Variants in RBFOX1 observed in about 807,000 individuals in gnomAD.
RBFOX1 encodes the protein RNA binding protein fox-1 homolog 1.
Under a neutral mutation model 57.7 loss-of-function variants are expected in RBFOX1, and 8 were observed. That is an observed-to-expected ratio of 0.14 (90% CI 0.08 to 0.25). The LOEUF (loss-of-function observed/expected upper bound fraction) is 0.25, where lower values mean the gene tolerates loss of function less well. Among genes scored for constraint, RBFOX1 ranks in the 10% least tolerant of loss-of-function variants. The pLI, the probability that RBFOX1 is intolerant of heterozygous loss-of-function variation, is 1.00. For synonymous variants in RBFOX1, 326 were observed against 222.4 expected, an observed-to-expected ratio of 1.47 and a Z score of -4.15; for missense variants, 611 against 548.5, an observed-to-expected ratio of 1.11 and a Z score of -1.14.
At chr16:6,792,532 A>T (rs2083169731) in intron 3 of RBFOX1, among the ~76,000 whole-genome samples, 1 of 152,134 alleles carries the variant, frequency 6.6e-6, no homozygotes, top group Non-Finnish European at 1.5e-5. Context: ...TTTCATATAA[A>T]GGTTAAAAAT....
chr16:6,964,007 T>C (rs1440957822), intron 3 of RBFOX1, among the ~76,000 whole-genome samples: 1 of 149,418 alleles, frequency 6.7e-6, no homozygotes, highest in Non-Finnish European at 1.5e-5. Context: ...CCCGGATTTA[T>C]TTATTTACCT....
chr16:6,792,578 A>G (rs1429585433), intron 3 of RBFOX1, among the ~76,000 whole-genome samples: 1 of 152,222 alleles, frequency 6.6e-6, no homozygotes, highest in Non-Finnish European at 1.5e-5. Context: ...GCCATGTAGT[A>G]CTGTGCCTCC....
At chr16:7,370,578 G>A (rs1226661145) in intron 4 of RBFOX1, among the ~76,000 whole-genome samples, 8 of 152,168 alleles carry the variant, frequency 5.3e-5, no homozygotes, top group Non-Finnish European at 1.0e-4. Context: ...ATTTTCAGAT[G>A]TGCTGCCTTG....
chr16:6,803,350 C>A (rs946872267), intron 3 of RBFOX1, among the ~76,000 whole-genome samples: 2 of 152,146 alleles, frequency 1.3e-5, no homozygotes, highest in Admixed American at 1.3e-4. Context: ...AGAAGTGTTG[C>A]CTCCAGCCGT....
intron 3 of RBFOX1, among the ~76,000 whole-genome samples, chr16:6,860,860 T>G (rs1033383985): frequency 6.6e-6 from 1 of 152,230 alleles, no homozygotes; most frequent in African/African-American, 2.4e-5. Flanking sequence ...TTCAAAAATA[T>G]ATAAATGTAT....
chr16:6,727,818 A>G (rs1025531379), intron 3 of RBFOX1, among the ~76,000 whole-genome samples: 3 of 152,156 alleles, frequency 2.0e-5, no homozygotes, highest in Non-Finnish European at 2.9e-5. Flanking sequence ...TTTCCAGGAC[A>G]TTTGACTTTG....
intron 6 of RBFOX1, among the ~76,000 whole-genome samples, chr16:7,585,170 G>A (rs1485386175): frequency 1.3e-5 from 2 of 152,124 alleles, no homozygotes; most frequent in African/African-American, 4.8e-5. Context: ...AATATTCAAG[G>A]GTGGTTGGTA....
intron 4 of RBFOX1, among the ~76,000 whole-genome samples, chr16:7,084,248 A>ATG (rs915179596): frequency 4.6e-5 from 7 of 152,118 alleles, no homozygotes; most frequent in East Asian, 1.9e-4. Flanking sequence ...ATATGTATAT[A>ATG]TGTGTGTGTG....
At chr16:5,432,135 C>G (rs1196531177) in intron 1 of RBFOX1, among the ~76,000 whole-genome samples, 1 of 152,144 alleles carries the variant, frequency 6.6e-6, no homozygotes, top group Non-Finnish European at 1.5e-5. Context: ...CATGGGTGGT[C>G]TCTGTGGAGG....
chr16:5,943,245 C>G (rs560399168), intron 4 of RBFOX1, among the ~76,000 whole-genome samples: 4 of 152,286 alleles, frequency 2.6e-5, no homozygotes, highest in Admixed American at 2.6e-4. Context: ...GTGCAGTTTT[C>G]CCAGCCCATC....
At chr16:7,422,345 T>C (rs1002420691) in intron 4 of RBFOX1, among the ~76,000 whole-genome samples, 5 of 152,160 alleles carry the variant, frequency 3.3e-5, no homozygotes, top group African/African-American at 1.2e-4. Context: ...AATATATTCA[T>C]TGTTAGAGTA....
chr16:5,239,989 C>G, exon 1 of RBFOX1: 1 of 1,530,312 alleles, frequency 6.5e-7, no homozygotes. Context: ...AGAGAAGAGG[C>G]TGCGGCTGGG....
At chr16:5,755,947 A>G (rs1054611594) in intron 3 of RBFOX1, among the ~76,000 whole-genome samples, 8 of 152,120 alleles carry the variant, frequency 5.3e-5, no homozygotes, top group African/African-American at 1.7e-4. Context: ...GAAGTAGGAG[A>G]TGAAGTAAAG....
intron 3 of RBFOX1, among the ~76,000 whole-genome samples, chr16:5,728,020 G>T (rs565448967): frequency 6.6e-6 from 1 of 152,262 alleles, no homozygotes; most frequent in African/African-American, 2.4e-5. Flanking sequence ...CACTTCTTTA[G>T]ATTCTAAATA....
At chr16:5,346,436 C>A (rs940167330) in intron 1 of RBFOX1, among the ~76,000 whole-genome samples, 3 of 152,172 alleles carry the variant, frequency 2.0e-5, no homozygotes, top group Non-Finnish European at 2.9e-5. Flanking sequence ...GATGTTTGAA[C>A]CACGTCTCAA....
intron 1 of RBFOX1, among the ~76,000 whole-genome samples, chr16:6,168,803 T>C (rs2096936783): frequency 6.6e-6 from 1 of 151,898 alleles, no homozygotes; most frequent in Non-Finnish European, 1.5e-5. Flanking sequence ...TTTCACTGGT[T>C]CTTTCACTTT....
chr16:6,417,093 C>T (rs2093643585), intron 2 of RBFOX1, among the ~76,000 whole-genome samples: 2 of 152,118 alleles, frequency 1.3e-5, no homozygotes, highest in South Asian at 4.1e-4. Flanking sequence ...CTCACTGCAT[C>T]CTCTGCCTCC....
intron 2 of RBFOX1, among the ~76,000 whole-genome samples, chr16:5,567,288 G>T (rs2046106992): frequency 1.3e-5 from 2 of 152,190 alleles, no homozygotes; most frequent in African/African-American, 4.8e-5. Flanking sequence ...GCGTCACTTT[G>T]CAGTGGCTGT....
chr16:5,266,361 G>T (rs1484076715), intron 1 of RBFOX1, among the ~76,000 whole-genome samples: 1 of 152,186 alleles, frequency 6.6e-6, no homozygotes, highest in East Asian at 1.9e-4. Flanking sequence ...ATTGCCTAAT[G>T]TCCCCCGGGG....
Sources: allele counts gnomAD v4.1 joint callset (sites outside exome capture counted in the v4.1 genomes callset), GRCh38; gene constraint gnomAD v4.1.1; transcripts MANE v1.5; gene names NCBI Gene and HGNC (gene_info 2026-07-23, HGNC 2026-07-21).